The following GNPDA1 variants were observed in gnomAD, a reference collection of about 807,000 sequenced individuals.
GNPDA1 encodes the protein GNPDA 1.
GNPDA1 carries 24 observed loss-of-function variants against 28.5 expected under a neutral mutation model. That is an observed-to-expected ratio of 0.84 (90% CI 0.61 to 1.19). GNPDA1 has a LOEUF of 1.19. GNPDA1 is among the 50% of genes most tolerant of loss of function. GNPDA1 has a pLI of 0.00. For missense variants in GNPDA1, 264 were observed against 367.3 expected, an observed-to-expected ratio of 0.72 and a Z score of 2.30; for synonymous variants, 147 against 139.3, an observed-to-expected ratio of 1.06 and a Z score of -0.39.
rs919190060 is a variant in GNPDA1, at chr5:142,013,024, C to G, written c.-36G>C. 6.6e-6 allele frequency: 1 copy of G among 150,864 alleles called. No homozygotes were observed. The highest frequency in any genetic ancestry group is 2.4e-5 in the African/African-American group (1 of 41,246). 9.3% of individuals were successfully genotyped at this position (150,864 alleles called of 1,614,324 possible). On this transcript the variant is annotated 5_prime_UTR_variant, in exon 1 of 7. Coordinates refer to ENST00000311337, the MANE Select transcript of GNPDA1 (RefSeq NM_005471.5). ...ACGCCTCCCGCGGCGGCTGCAGCGA[C>G]TGCGCCGGCGGCCCGGCCCCGCGCG...
At chr5:142,005,958 C>T in intron 4 of GNPDA1, 186 bp downstream of exon 4, 2 of 535,430 alleles carry the variant, frequency 3.7e-6, no homozygotes. Flanking sequence ...CATCAAACTG[C>T]AGAAAGAGAT....
Position 142,011,739 on chromosome 5 carries a change from C to T in GNPDA1, c.124+173G>A, listed in dbSNP as rs940400678. ...CAGGGACAGGCAGCGACTAAACCAA[C>T]CCATAAGGGAAGCTGGGTCCTTTGT... On this transcript the variant is annotated intron_variant, in intron 2 of 6. Coordinates refer to ENST00000311337, the MANE Select transcript of GNPDA1 (RefSeq NM_005471.5). The T allele has an allele frequency of 2.3e-5, 14 of 616,770 alleles. No homozygotes were observed. In the Admixed American group the frequency reaches 3.2e-4, roughly 14 times the overall value. The allele number at this position is 616,770 out of a possible 1,614,324, so 38.2% of individuals were successfully genotyped here.
At chr5:142,007,940 C>A in intron 2 of GNPDA1, 40 bp from the exon 3 acceptor site, 1 of 1,170,934 alleles carries the variant, frequency 8.5e-7, no homozygotes, top group Non-Finnish European at 1.3e-6. Flanking sequence ...CCTTGCACCC[C>A]AAGTCTGGAA....
rs1338997720 is a variant in GNPDA1 at position 142,011,218 on chromosome 5, G to A, written c.124+694C>T. Reference sequence around the variant, plus strand: ...TACTGGCCATTTACAGAAAAAGTCTGGACTGCAAGGAAGACCAAAAAAAAA... The same window carrying A: ...TACTGGCCATTTACAGAAAAAGTCTAGACTGCAAGGAAGACCAAAAAAAAA... On this transcript the variant is annotated intron_variant, in intron 2 of 6. Transcript: ENST00000311337. 2.0e-5 allele frequency among the ~76,000 whole-genome samples: 3 copies of A among 147,006 alleles called. No homozygotes were observed. The East Asian group carries it at 5.9e-4, about 29-fold the overall frequency.
rs570695084 is a variant in GNPDA1 at position 142,002,543 on chromosome 5, A to T, written c.770-414T>A. 3.3e-5 allele frequency among the ~76,000 whole-genome samples: 5 copies of T among 152,316 alleles called. No individual in the cohort carries two copies. In the South Asian group the frequency reaches 8.3e-4, roughly 25 times the overall value. On this transcript the variant is annotated intron_variant, in intron 6 of 6. Coordinates refer to ENST00000311337, the MANE Select transcript of GNPDA1 (RefSeq NM_005471.5). ...CGAGGTGGGTGGATCACCTGAGGTC[A>T]GGAGTTTGAGACCAGCCTAGGCAAC... is the stretch of plus-strand genomic sequence containing the variant.
At chr5:142,010,264 T>C (rs528069845) in intron 2 of GNPDA1, among the ~76,000 whole-genome samples, 1 of 152,314 alleles carries the variant, frequency 6.6e-6, no homozygotes, top group South Asian at 2.1e-4. Context: ...GTTCAATTGA[T>C]TCTCCTGCCT....
intron 3 of GNPDA1, among the ~76,000 whole-genome samples, chr5:142,007,337 C>A (rs771195151): frequency 1.3e-5 from 2 of 152,016 alleles, no homozygotes; most frequent in Non-Finnish European, 2.9e-5. Flanking sequence ...TATAGTCTTT[C>A]AGCAGCAGGA....
intron 1 of GNPDA1, 24 bp downstream of exon 1, chr5:142,012,971 C>T (rs1328188960): frequency 1.3e-5 from 2 of 151,764 alleles, no homozygotes; most frequent in Non-Finnish European, 2.9e-5. Flanking sequence ...AGGAAGGTCC[C>T]CGCCAGCCCT....
chr5:142,003,357 G>GGTTA lies in GNPDA1; in HGVS notation c.595-99_595-96dup, dbSNP rs1755724009. 1.2e-6 allele frequency: 1 copy of GGTTA among 813,350 alleles called. No individual in the cohort carries two copies. Among genetic ancestry groups the GGTTA allele is most frequent in the African/African-American group, 1.7e-5 (1 of 59,022 alleles). 50.4% of individuals were successfully genotyped at this position (813,350 alleles called of 1,614,324 possible). ...TTGTTTTTCATATCACATTGTAAGT[G>GGTTA]GTTACCATGCAACATACTTTTGCTC... On this transcript the variant is annotated intron_variant, in intron 5 of 6. Transcript: ENST00000311337. This position sits in a 1 kb window ranked among gnomAD's most constrained non-coding sequence, Gnocchi z 4.0.
At chr5:142,004,725 G>A (rs549321879) in intron 5 of GNPDA1, 46 of 431,068 alleles carry the variant, frequency 1.1e-4, no homozygotes, top group African/African-American at 4.0e-4. Flanking sequence ...CACCAAAAAC[G>A]TGCTCAAGGG....
In GNPDA1 at chr5:142,003,446, T is replaced by C. The variant is rs1485255207; in HGVS notation, c.595-184A>G. Reference sequence around the variant, plus strand: ...AGGCAGCATCATTATCTCCATCTTATAAGAAAACAGAGCCCCAGGGGGTTA... The same window carrying C: ...AGGCAGCATCATTATCTCCATCTTACAAGAAAACAGAGCCCCAGGGGGTTA... On this transcript the variant is annotated intron_variant, in intron 5 of 6. Coordinates refer to ENST00000311337, the MANE Select transcript of GNPDA1 (RefSeq NM_005471.5). This position sits in a 1 kb window ranked among gnomAD's most constrained non-coding sequence, Gnocchi z 4.0. 6.6e-6 allele frequency among the ~76,000 whole-genome samples: 1 copy of C among 152,180 alleles called. No homozygotes were observed. Among genetic ancestry groups the C allele is most frequent in the African/African-American group, 2.4e-5 (1 of 41,454 alleles).
At chr5:142,006,578 G>A (rs1755810644) in intron 3 of GNPDA1, among the ~76,000 whole-genome samples, 2 of 151,030 alleles carry the variant, frequency 1.3e-5, no homozygotes, top group South Asian at 4.2e-4. Context: ...CAAGGGCCTG[G>A]GAAATCCCCA....
At chr5:142,007,738 A>G (rs1596737448) in intron 3 of GNPDA1, 61 bp downstream of exon 3, 1 of 993,974 alleles carries the variant, frequency 1.0e-6, no homozygotes, top group Non-Finnish European at 1.6e-6. Context: ...GACTGGGCCA[A>G]TGAGAGGAGG....
intron 1 of GNPDA1, 108 bp from the exon 2 acceptor site, chr5:142,012,149 A>G: frequency 1.7e-6 from 2 of 1,197,856 alleles, no homozygotes; most frequent in East Asian, 5.0e-5. Context: ...TCCCCTTCCC[A>G]AGCTGTCTGA....
chr5:142,011,008 C>T (rs997174552), intron 2 of GNPDA1, among the ~76,000 whole-genome samples: 1 of 151,720 alleles, frequency 6.6e-6, no homozygotes, highest in South Asian at 2.1e-4. Context: ...AGTACAGTGA[C>T]ACAATCATGG....
chr5:142,012,604 T>G, intron 1 of GNPDA1: 82 of 201,228 alleles, frequency 4.1e-4, no homozygotes, highest in Middle Eastern at 2.6e-3. Flanking sequence ...GGTGGGGCAA[T>G]GAGCTCTGCC....
At chr5:142,009,629 G>A (rs1295028937) in intron 2 of GNPDA1, among the ~76,000 whole-genome samples, 1 of 152,106 alleles carries the variant, frequency 6.6e-6, no homozygotes, top group African/African-American at 2.4e-5. Context: ...AAAATAATTA[G>A]TTGGTCCGTG....
Position 142,002,051 on chromosome 5 carries a change from G to A in GNPDA1, c.848C>T (p.Ser283Leu), listed in dbSNP as rs777766611. Residue 283 changes from serine (S) to leucine (L), a missense_variant, in exon 7 of 7, where the codon TCG (serine) becomes TTG (leucine). Transcript: ENST00000311337. ...AGGCTAATCGCTGTATGGTTTCTTCGAAGATTGGCTTTTCTCAGTTTCTTT... is the reference window on the plus strand; with the variant it reads ...AGGCTAATCGCTGTATGGTTTCTTCAAAGATTGGCTTTTCTCAGTTTCTTT... ...KEKETEKSQSSKKPYSD is the reference protein window; with the variant it reads ...KEKETEKSQSLKKPYSD 6 of 1,591,968 alleles carry A rather than the reference G, an allele frequency of 3.8e-6. No individual in the cohort carries two copies. The highest frequency in any genetic ancestry group is 1.3e-5 in the African/African-American group (1 of 74,384).
Position 142,001,491 on chromosome 5 carries a change from G to T in GNPDA1, c.*538C>A, listed in dbSNP as rs145900127. The T allele has an allele frequency of 6.6e-6, 1 of 152,226 alleles. No homozygotes were observed. Among genetic ancestry groups the T allele is most frequent in the Admixed American group, 6.5e-5 (1 of 15,270 alleles). 9.4% of individuals were successfully genotyped at this position (152,226 alleles called of 1,614,324 possible). ...GTGAAAGTGGAAGAAGGAAGGGATCGTTTTCTTTCCATTGCACTTGTTACT... is the reference window on the plus strand; with the variant it reads ...GTGAAAGTGGAAGAAGGAAGGGATCTTTTTCTTTCCATTGCACTTGTTACT... On this transcript the variant is annotated 3_prime_UTR_variant, in exon 7 of 7. Transcript: ENST00000311337.
Sources: allele counts gnomAD v4.1 joint callset (sites outside exome capture counted in the v4.1 genomes callset), GRCh38; gene constraint gnomAD v4.1.1; non-coding constraint Gnocchi (gnomAD v3.1); transcripts MANE v1.5; gene names NCBI Gene and HGNC (gene_info 2026-07-23, HGNC 2026-07-21).